Variants in KLHL2 observed in about 807,000 individuals in gnomAD.
The protein encoded by KLHL2 is kelch like family member 2.
KLHL2 carries 15 observed loss-of-function variants against 75.8 expected under a neutral mutation model. That is an observed-to-expected ratio of 0.20 (90% confidence interval 0.13 to 0.30). KLHL2 has a LOEUF of 0.30. Among genes scored for constraint, KLHL2 ranks in the 10% least tolerant of loss-of-function variants. The pLI, the probability that KLHL2 is intolerant of heterozygous loss-of-function variation, is 1.00. For missense variants in KLHL2, 381 were observed against 741.0 expected (o/e 0.51, Z 5.64); for synonymous variants, 214 against 251.9 (o/e 0.85, Z 1.42).
rs1394746209 is a variant in KLHL2 at position 165,212,100 on chromosome 4, C to G, written c.26+4198C>G. ...TCTACCAAATCCAAATGCATTTACTCTTTATGATGAGGTAGTTTGAGTTTT... is the reference window on the plus strand; with the variant it reads ...TCTACCAAATCCAAATGCATTTACTGTTTATGATGAGGTAGTTTGAGTTTT... On this transcript the variant is annotated intron_variant, in intron 1 of 14. Transcript: ENST00000226725. Among the ~76,000 whole-genome samples the G allele has an allele frequency of 5.9e-5, 9 of 152,194 alleles. No individual in the cohort carries two copies. In the South Asian group the frequency reaches 1.9e-3, roughly 32 times the overall value.
At chr4:165,264,182 T>G (rs1448701462) in intron 5 of KLHL2, among the ~76,000 whole-genome samples, 1 of 152,162 alleles carries the variant, frequency 6.6e-6, no homozygotes, top group Non-Finnish European at 1.5e-5. Flanking sequence ...AGGAAATTTC[T>G]TTTTTTAGTT....
rs1339484975 is a variant in KLHL2 at position 165,311,775 on chromosome 4, C to G, written c.1339+210C>G. On this transcript the variant is annotated intron_variant, in intron 11 of 14. Transcript: ENST00000226725. ...TATATAAAGCCTTTTCTCTCCCTCT[C>G]TATCCCCCTCCCTTTATCCCTCCTC... Among the ~76,000 whole-genome samples the G allele has an allele frequency of 4.0e-5, 6 of 150,456 alleles. No individual in the cohort carries two copies. The South Asian group carries it at 8.6e-4, about 21-fold the overall frequency.
chr4:165,258,027 G>A (rs975241686), intron 4 of KLHL2, among the ~76,000 whole-genome samples: 1 of 152,132 alleles, frequency 6.6e-6, no homozygotes, highest in Non-Finnish European at 1.5e-5. Flanking sequence ...GAGACTCAGG[G>A]TTCGGTTGAT....
chr4:165,267,584 C>T (rs1410082300), intron 5 of KLHL2, among the ~76,000 whole-genome samples: 8 of 152,076 alleles, frequency 5.3e-5, no homozygotes, highest in Non-Finnish European at 1.2e-4. Context: ...TGGTTTTTGT[C>T]ATTGGTTCTG....
At chr4:165,304,217 G>C (rs1017313016) in intron 8 of KLHL2, among the ~76,000 whole-genome samples, 4 of 152,042 alleles carry the variant, frequency 2.6e-5, no homozygotes, top group African/African-American at 4.8e-5. Context: ...TTATGTAGTT[G>C]GTTTATGTTC....
At chr4:165,311,090 T>C (rs775917180) in intron 10 of KLHL2, among the ~76,000 whole-genome samples, 20 of 151,980 alleles carry the variant, frequency 1.3e-4, no homozygotes, top group South Asian at 4.1e-4. Flanking sequence ...ATCTCCTGAC[T>C]TTGTGATCCG....
intron 9 of KLHL2, among the ~76,000 whole-genome samples, chr4:165,308,782 G>C (rs1745926481): frequency 6.6e-6 from 1 of 152,138 alleles, no homozygotes; most frequent in Non-Finnish European, 1.5e-5. Context: ...TTGGGATACA[G>C]GATTGTTTCA....
In KLHL2 at chr4:165,310,542, T is replaced by C. The variant is rs761122113; in HGVS notation, c.1040-11T>C. The C allele has an allele frequency of 1.9e-6, 3 of 1,612,488 alleles. No homozygotes were observed. Among genetic ancestry groups the C allele is most frequent in the South Asian group, 2.2e-5 (2 of 91,010 alleles). ...GCATGTTGATCATTAAATGCTGTACTCCTTTTGCAGGCATGGTCTACATGG... is the reference window on the plus strand; with the variant it reads ...GCATGTTGATCATTAAATGCTGTACCCCTTTTGCAGGCATGGTCTACATGG... On this transcript the variant is annotated splice_polypyrimidine_tract_variant and intron_variant, in intron 9 of 14. Transcript: ENST00000226725.
At chr4:165,309,976 A>T (rs183159416) in intron 9 of KLHL2, among the ~76,000 whole-genome samples, 38,136 of 152,016 alleles carry the variant, frequency 0.25, 5,431 homozygotes, top group Non-Finnish European at 0.34. Flanking sequence ...TTAAGCTTGT[A>T]AATTGATATT....
intron 5 of KLHL2, among the ~76,000 whole-genome samples, chr4:165,266,659 G>C (rs1742265689): frequency 6.6e-6 from 1 of 152,130 alleles, no homozygotes; most frequent in South Asian, 2.1e-4. Flanking sequence ...TGAGGCCTCT[G>C]TTCTGTTCCA....
chr4:165,267,399 A>G (rs890057967), intron 5 of KLHL2, among the ~76,000 whole-genome samples: 1 of 152,146 alleles, frequency 6.6e-6, no homozygotes, highest in African/African-American at 2.4e-5. Flanking sequence ...TGGTTTTCAA[A>G]GGGAACGCTT....
intron 5 of KLHL2, among the ~76,000 whole-genome samples, chr4:165,276,735 C>A (rs58781490): frequency 0.29 from 44,378 of 151,954 alleles, 6,948 homozygotes; most frequent in African/African-American, 0.35. Flanking sequence ...ATTTCTTATT[C>A]ACAATTGATA....
intron 5 of KLHL2, chr4:165,279,609 C>T (rs750301026): frequency 6.2e-7 from 1 of 1,611,400 alleles, no homozygotes; most frequent in Admixed American, 1.7e-5. Context: ...ACTGCCCCCA[C>T]CAATGGCCCC....
intron 3 of KLHL2, among the ~76,000 whole-genome samples, chr4:165,234,861 C>T (rs866992952): frequency 2.6e-5 from 4 of 151,812 alleles, no homozygotes; most frequent in Non-Finnish European, 5.9e-5. Context: ...AGACTGGGTA[C>T]GGTGGCTTAT....
intron 4 of KLHL2, among the ~76,000 whole-genome samples, chr4:165,262,464 C>T (rs1741770282): frequency 6.6e-6 from 1 of 152,224 alleles, no homozygotes; most frequent in Non-Finnish European, 1.5e-5. Flanking sequence ...TCTGGGGCCA[C>T]TCCTTCCCCA....
chr4:165,305,587 C>T, intron 8 of KLHL2, 21 bp from the exon 9 acceptor site: 1 of 1,567,826 alleles, frequency 6.4e-7, no homozygotes, highest in South Asian at 1.1e-5. Flanking sequence ...TGTTCAAGTG[C>T]TTACATTTCT....
chr4:165,308,825 C>T (rs1042304149), intron 9 of KLHL2, among the ~76,000 whole-genome samples: 3 of 152,098 alleles, frequency 2.0e-5, no homozygotes, highest in African/African-American at 7.2e-5. Context: ...TGTTGCTGCT[C>T]ACGAGTCTCC....
rs755980545 is a variant in KLHL2, at chr4:165,310,633, G to A, written c.1120G>A (p.Asp374Asn). Residue 374 changes from aspartate to asparagine, a missense_variant, in exon 10 of 15, where the codon GAC becomes AAC. Around this residue, in one of 5 missense-constraint regions of KLHL2, gnomAD observed 168 missense variants for 370.4 expected, o/e 0.45. Transcript: ENST00000226725. Reference protein sequence around the residue: ...SLRVRTVDSYDPVKDQWTSVA... With the variant: ...SLRVRTVDSYNPVKDQWTSVA... Reference sequence around the variant, plus strand: ...AAGAGTTCGCACTGTAGATTCCTACGACCCTGTGAAGGACCAGTGGACCAG... The same window carrying A: ...AAGAGTTCGCACTGTAGATTCCTACAACCCTGTGAAGGACCAGTGGACCAG... 4 of 1,614,020 alleles carry A rather than the reference G, an allele frequency of 2.5e-6. No individual in the cohort carries two copies. The highest frequency in any genetic ancestry group is 1.1e-5 in the South Asian group (1 of 91,062).
chr4:165,285,403 T>C (rs1442428498), intron 5 of KLHL2, among the ~76,000 whole-genome samples: 3 of 152,152 alleles, frequency 2.0e-5, no homozygotes, highest in Admixed American at 2.0e-4. Flanking sequence ...TTCATAACAG[T>C]GTGAATATAC....
Sources: gnomAD v4.1 joint callset for allele counts (sites outside exome capture counted in the v4.1 genomes callset) on GRCh38, gnomAD v4.1.1 for gene constraint, gnomAD v4.1.1 regional missense constraint, MANE v1.5 for transcripts, NCBI Gene and HGNC (gene_info 2026-07-23, HGNC 2026-07-21) for gene names.